DBNL: variants seen among roughly 807,000 people sequenced by gnomAD.
The protein encoded by DBNL is drebrin like.
DBNL carries 35 observed loss-of-function variants against 62.2 expected under a neutral mutation model. That is an observed-to-expected ratio of 0.56 (90% CI 0.43 to 0.75). The LOEUF is 0.75. Ranked by LOEUF, DBNL falls within the 30% of genes least tolerant of loss-of-function variation. The probability of loss-of-function intolerance (pLI) is 0.00; values close to 1 mark genes in which losing one functional copy is unlikely to be tolerated. For missense variants in DBNL, 495 were observed against 578.4 expected (o/e 0.86, Z 1.48); for synonymous variants, 197 against 218.0 (o/e 0.90, Z 0.85).
At position 44,058,492 on chromosome 7, in the gene DBNL, G is replaced by T. The variant is rs368251530; in HGVS notation, c.753+12G>T. ...ACCGAAATGAGCAGGTAAGATGGGG[G>T]TGCTCTACTTGTTTGGACCTGTCCT... On this transcript the variant is annotated intron_variant, in intron 8 of 12. Transcript: ENST00000448521. The T allele has an allele frequency of 1.9e-6, 3 of 1,613,916 alleles. No homozygotes were observed. In the African/African-American group the frequency reaches 4.0e-5, roughly 22 times the overall value.
At chr7:44,057,461 A>G (rs1313875922) in intron 5 of DBNL, among the ~76,000 whole-genome samples, 1 of 152,064 alleles carries the variant, frequency 6.6e-6, no homozygotes, top group African/African-American at 2.4e-5. Flanking sequence ...AGAACTGCCC[A>G]ATGTCTAGGA....
chr7:44,051,633 C>T, intron 2 of DBNL, 197 bp from the exon 3 acceptor site: 1 of 503,458 alleles, frequency 2.0e-6, no homozygotes, highest in East Asian at 3.3e-5. Context: ...CTTCTAGGTC[C>T]CACCCAGCTC....
intron 1 of DBNL, among the ~76,000 whole-genome samples, chr7:44,048,964 C>T (rs1679204844): frequency 6.6e-6 from 1 of 152,156 alleles, no homozygotes; most frequent in African/African-American, 2.4e-5. Context: ...AAGCAATCCT[C>T]CCACCTCAGC....
At chr7:44,058,363 G>A in intron 7 of DBNL, 69 bp from the exon 8 acceptor site, 1 of 1,612,274 alleles carries the variant, frequency 6.2e-7, no homozygotes, top group Non-Finnish European at 8.5e-7. Context: ...AGGCGAGGAG[G>A]ACTAAGGGGT....
intron 6 of DBNL, 94 bp downstream of exon 6, chr7:44,057,953 C>G: frequency 6.4e-7 from 1 of 1,567,206 alleles, no homozygotes; most frequent in Non-Finnish European, 8.7e-7. Context: ...AGCATCCACT[C>G]TCCTTGGTGC....
intron 3 of DBNL, among the ~76,000 whole-genome samples, 177 bp from the exon 4 acceptor site, chr7:44,052,690 G>A (rs2096128732): frequency 1.3e-5 from 2 of 152,084 alleles, no homozygotes; most frequent in African/African-American, 4.8e-5. Context: ...GAGAATCCAT[G>A]AGCCCCTTGG....
chr7:44,061,017 A>G lies in DBNL; in HGVS notation c.*101A>G. 2 of 1,463,594 alleles carry G rather than the reference A, an allele frequency of 1.4e-6. No homozygotes were observed. Among genetic ancestry groups the G allele is most frequent in the Non-Finnish European group, 1.8e-6 (2 of 1,100,914 alleles). The allele number at this position is 1,463,594 out of a possible 1,614,324, so 90.7% of individuals were successfully genotyped here. ...CATTCAGCACTCTTCCAGGAATAGG[A>G]CCCCCAGTGAGGATGAGGCCTCAGG... On this transcript the variant is annotated 3_prime_UTR_variant, in exon 13 of 13. Transcript: ENST00000448521.
Position 44,060,778 on chromosome 7 carries a change from C to G in DBNL, c.1155C>G (p.Ala385=). Residue 385 remains alanine, a splice_region_variant and synonymous_variant, in exon 13 of 13, where the codon GCC becomes GCG. Transcript: ENST00000448521. This position sits in a 1 kb window ranked among gnomAD's most constrained non-coding sequence, Gnocchi z 6.3. The part of the protein sequence containing the change: ...CARALYDYQA[A]DDTEISFDPE... ...CATCTGGGCTCATCCTCTTTGCAGC[C>G]GACGACACAGAGATCTCCTTTGACC... 3.7e-6 allele frequency: 6 copies of G among 1,613,508 alleles called. No individual in the cohort carries two copies. Among genetic ancestry groups the G allele is most frequent in the Non-Finnish European group, 4.2e-6 (5 of 1,179,716 alleles).
chr7:44,058,055 A>G (rs1204657632), intron 6 of DBNL, 74 bp from the exon 7 acceptor site: 22 of 1,533,396 alleles, frequency 1.4e-5, no homozygotes, highest in Non-Finnish European at 1.8e-6. Flanking sequence ...CCATGTGCCT[A>G]AAACTCAGTC....
chr7:44,053,535 T>A (rs1189222260), intron 4 of DBNL, among the ~76,000 whole-genome samples: 1 of 152,188 alleles, frequency 6.6e-6, no homozygotes, highest in Non-Finnish European at 1.5e-5. Context: ...TAGGAGCTGA[T>A]AAGAGAATTC....
chr7:44,046,925 C>T (rs1297354284), intron 1 of DBNL, among the ~76,000 whole-genome samples: 2 of 152,206 alleles, frequency 1.3e-5, no homozygotes, highest in South Asian at 2.1e-4. Context: ...CCACTCTGGC[C>T]GTCTTTCTCT....
chr7:44,063,080 A>G lies in DBNL; in HGVS notation c.*2164A>G. 10 of 821,030 alleles carry G rather than the reference A, an allele frequency of 1.2e-5. No homozygotes were observed. Among genetic ancestry groups the G allele is most frequent in the Non-Finnish European group, 1.8e-5 (9 of 489,394 alleles). 50.9% of individuals were successfully genotyped at this position (821,030 alleles called of 1,614,324 possible). Reference sequence around the variant, plus strand: ...GAACGAGGCCACAGAAATGTTGCCAAAGGTCAAGGAGTAACTGAGTTAGAC... The same window carrying G: ...GAACGAGGCCACAGAAATGTTGCCAGAGGTCAAGGAGTAACTGAGTTAGAC... On this transcript the variant is annotated 3_prime_UTR_variant, in exon 13 of 13. Transcript: ENST00000448521.
chr7:44,046,140 A>C (rs932478351), intron 1 of DBNL, among the ~76,000 whole-genome samples: 1 of 152,208 alleles, frequency 6.6e-6, no homozygotes, highest in Non-Finnish European at 1.5e-5. Context: ...AAACCCAGTC[A>C]AAAGTATCTC....
rs144115786 is a variant in DBNL, at chr7:44,058,404, C to G, written c.705-28C>G. ...ATGAGAAGCTGTGACTGTGCCTCAG[C>G]TGTGCCCCACCCGGCCCTTCCCAGC... On this transcript the variant is annotated intron_variant, in intron 7 of 12. Transcript: ENST00000448521. 301 of 1,614,112 alleles carry G rather than the reference C, an allele frequency of 1.9e-4. 2 individuals are homozygous for G. In the African/African-American group the frequency reaches 3.4e-3, roughly 18 times the overall value.
At position 44,059,083 on chromosome 7, in the gene DBNL, G is replaced by A; in HGVS notation, c.835+100G>A. ...CCCAAGGCTAGTGACAGATATATCG[G>A]TGACGGGTGAGTGAGTGAGGAGAAG... On this transcript the variant is annotated intron_variant, in intron 9 of 12. Transcript: ENST00000448521. The surrounding 1 kb of genome is among the most constrained non-coding windows in gnomAD (Gnocchi z 4.1). 1 of 1,302,902 alleles carries A rather than the reference G, an allele frequency of 7.7e-7. No individual in the cohort carries two copies. Among genetic ancestry groups the A allele is most frequent in the Non-Finnish European group, 1.1e-6 (1 of 924,506 alleles). 80.7% of individuals were successfully genotyped at this position (1,302,902 alleles called of 1,614,324 possible).
At chr7:44,052,349 C>G (rs1275670530) in intron 3 of DBNL, among the ~76,000 whole-genome samples, 1 of 152,014 alleles carries the variant, frequency 6.6e-6, no homozygotes, top group Non-Finnish European at 1.5e-5. Context: ...GTGGCTCACA[C>G]CTGTCATCCT....
At position 44,059,209 on chromosome 7, in the gene DBNL, C is replaced by T; in HGVS notation, c.836-145C>T. 3.2e-6 allele frequency: 3 copies of T among 942,330 alleles called. No individual in the cohort carries two copies. The highest frequency in any genetic ancestry group is 4.8e-6 in the Non-Finnish European group (3 of 630,354). 58.4% of individuals were successfully genotyped at this position (942,330 alleles called of 1,614,324 possible). On this transcript the variant is annotated intron_variant, in intron 9 of 12. Transcript: ENST00000448521. This position sits in a 1 kb window ranked among gnomAD's most constrained non-coding sequence, Gnocchi z 4.1. ...CTGTCTACCACGTCACCACATAGCA[C>T]ATGGCCCTGGGGCCTCTGTTCCTGC...
Position 44,051,943 on chromosome 7 carries a change from G to A in DBNL, c.252+1G>A. On this transcript the variant is annotated splice_donor_variant, in intron 3 of 12. Transcript: ENST00000448521. LOFTEE classifies it high-confidence loss of function. Reference sequence around the variant, plus strand: ...GCCCAAATTTGTCCTCATCAACTGGGTATGTGGAGCCTGTTTCATCTAGGT... The same window carrying A: ...GCCCAAATTTGTCCTCATCAACTGGATATGTGGAGCCTGTTTCATCTAGGT... 1 of 1,613,694 alleles carries A rather than the reference G, an allele frequency of 6.2e-7. No homozygotes were observed. Among genetic ancestry groups the A allele is most frequent in the Non-Finnish European group, 8.5e-7 (1 of 1,179,620 alleles).
intron 7 of DBNL, 57 bp downstream of exon 7, chr7:44,058,337 C>T: frequency 1.3e-6 from 2 of 1,598,538 alleles, no homozygotes; most frequent in Non-Finnish European, 1.7e-6. Context: ...TGCTGGGCAC[C>T]TGCTCCATCC....
Sources: allele counts gnomAD v4.1 joint callset (sites outside exome capture counted in the v4.1 genomes callset), GRCh38; gene constraint gnomAD v4.1.1; non-coding constraint Gnocchi (gnomAD v3.1); transcripts MANE v1.5; gene names NCBI Gene and HGNC (gene_info 2026-07-23, HGNC 2026-07-21).